Variants in INSC observed in about 807,000 individuals in gnomAD.
The protein encoded by INSC is INSC spindle orientation adaptor protein, also known as protein inscuteable homolog.
In INSC, 67 loss-of-function variants were observed where a neutral mutation model predicts 58.6. The observed-to-expected ratio is 1.14, with a 90% CI of 0.94 to 1.40. INSC has a LOEUF of 1.40. Among genes scored for constraint, INSC ranks in the 40% most tolerant of loss-of-function variants. The pLI, the probability that INSC is intolerant of heterozygous loss-of-function variation, is 0.00. For missense variants in INSC, 714 were observed against 692.0 expected, an observed-to-expected ratio of 1.03 and a Z score of -0.36; for synonymous variants, 262 against 276.1, an observed-to-expected ratio of 0.95 and a Z score of 0.51.
At chr11:15,236,808 C>T (rs1424157041) in intron 10 of INSC, among the ~76,000 whole-genome samples, 1 of 152,218 alleles carries the variant, frequency 6.6e-6, no homozygotes, top group Non-Finnish European at 1.5e-5. Context: ...CCAGGCTTCC[C>T]TGCTGTCTTA....
intron 5 of INSC, among the ~76,000 whole-genome samples, chr11:15,186,851 C>T (rs146840556): frequency 0.016 from 2,451 of 151,938 alleles, 30 homozygotes; most frequent in Non-Finnish European, 0.025. Flanking sequence ...TCCTGTGTTC[C>T]GAACTCTACT....
Position 15,240,279 on chromosome 11 carries a change from C to T in INSC, c.1394-168C>T, listed in dbSNP as rs77845433. Among the ~76,000 whole-genome samples the T allele has an allele frequency of 8.6e-3, 1,314 of 152,304 alleles. 17 individuals are homozygous for T. The highest frequency in any genetic ancestry group is 0.031 in the African/African-American group (1,269 of 41,564). On this transcript the variant is annotated intron_variant, in intron 11 of 12. Coordinates refer to ENST00000379556, the MANE Select transcript of INSC (RefSeq NM_001042536.3). ...TCTTCAGCTTGGCCTGACCCTGACC[C>T]GGGTCTGTTCACCACTGAGGGAGTA...
chr11:15,250,318 C>A (rs980100878), downstream of INSC, among the ~76,000 whole-genome samples: 16 of 152,184 alleles, frequency 1.1e-4, no homozygotes, highest in African/African-American at 3.6e-4. Flanking sequence ...GATAATACTC[C>A]TGCCTGATCT....
At chr11:15,180,218 A>C (rs1389101298) in intron 5 of INSC, among the ~76,000 whole-genome samples, 4 of 152,154 alleles carry the variant, frequency 2.6e-5, no homozygotes, top group Admixed American at 6.5e-5. Context: ...AGATCGCGCC[A>C]CTGCACTCCA....
chr11:15,244,831 T>C (rs1257158936), intron 12 of INSC, among the ~76,000 whole-genome samples: 1 of 152,138 alleles, frequency 6.6e-6, no homozygotes, highest in Non-Finnish European at 1.5e-5. Context: ...GGCACCTTGT[T>C]CCCTGCTGTG....
Position 15,175,951 on chromosome 11 carries a change from C to G in INSC, c.267C>G (p.Arg89=), listed in dbSNP as rs1178027188. 1 of 1,614,052 alleles carries G rather than the reference C, an allele frequency of 6.2e-7. No individual in the cohort carries two copies. The change falls in exon 3 of 13, where the codon CGC becomes CGG. Residue 89 remains arginine, a synonymous_variant. Coordinates refer to ENST00000379556, the MANE Select transcript of INSC (RefSeq NM_001042536.3). ...KRGWVISTEL[R]RIGQKLAQDR... ...GTTGGGTCATTAGCACAGAGCTGCG[C>G]AGGATCGGGCAGAAGCTGGCCCAGG...
At chr11:15,210,403 C>T (rs1375294996) in intron 7 of INSC, among the ~76,000 whole-genome samples, 1 of 151,950 alleles carries the variant, frequency 6.6e-6, no homozygotes, top group Non-Finnish European at 1.5e-5. Context: ...CATGCCTGTT[C>T]TGTGGGTTTG....
At chr11:15,180,687 G>GT (rs1365705766) in intron 5 of INSC, among the ~76,000 whole-genome samples, 1 of 97,362 alleles carries the variant, frequency 1.0e-5, no homozygotes, top group Non-Finnish European at 2.1e-5. Flanking sequence ...AGGAGTGAGG[G>GT]GGGGGGCGGG....
intron 5 of INSC, chr11:15,188,089 A>T: frequency 1.4e-6 from 1 of 708,392 alleles, no homozygotes; most frequent in South Asian, 6.4e-5. Context: ...CCCCTGTCCC[A>T]CAGTCATGCT....
downstream of INSC, among the ~76,000 whole-genome samples, chr11:15,248,605 C>T (rs192245175): frequency 3.4e-4 from 52 of 152,258 alleles, no homozygotes; most frequent in African/African-American, 1.0e-3. Context: ...AAGACTAAAT[C>T]GCAGCCTTTT....
chr11:15,231,126 CTT>C (rs111302690), intron 9 of INSC, among the ~76,000 whole-genome samples: 20 of 152,344 alleles, frequency 1.3e-4, no homozygotes, highest in African/African-American at 4.6e-4. Context: ...CCTGGGCTCT[CTT>C]GCCTCTCTGG....
At chr11:15,114,836 C>T, upstream of INSC, 1 of 694,506 alleles carries the variant, frequency 1.4e-6, no homozygotes, top group Non-Finnish European at 1.8e-6. Context: ...GCTGCGACCG[C>T]CTCGGAGAGG....
chr11:15,162,370 G>T (rs1849048952), intron 2 of INSC, among the ~76,000 whole-genome samples: 1 of 152,134 alleles, frequency 6.6e-6, no homozygotes, highest in Admixed American at 6.5e-5. Flanking sequence ...GCCTGCAATG[G>T]TCAGTACCCA....
At chr11:15,135,620 C>T (rs978578547) in intron 1 of INSC, among the ~76,000 whole-genome samples, 5 of 152,174 alleles carry the variant, frequency 3.3e-5, no homozygotes, top group Admixed American at 2.0e-4. Flanking sequence ...CTTTGAATGT[C>T]CCATACTACT....
At chr11:15,119,946 GCAATAT>G (rs1488349509) in intron 1 of INSC, among the ~76,000 whole-genome samples, 1 of 152,208 alleles carries the variant, frequency 6.6e-6, no homozygotes, top group East Asian at 1.9e-4. Flanking sequence ...ACCATAAAAT[GCAATAT>G]CCTTCTTTCT....
At position 15,240,489 on chromosome 11, in the gene INSC, G is replaced by C; in HGVS notation, c.1436G>C (p.Arg479Thr). The C allele has an allele frequency of 6.2e-7, 1 of 1,613,962 alleles. No individual in the cohort carries two copies. Among genetic ancestry groups the C allele is most frequent in the Non-Finnish European group, 8.5e-7 (1 of 1,179,970 alleles). Residue 479 changes from arginine (R) to threonine (T), a missense_variant, in exon 12 of 13, where the codon AGG (arginine) becomes ACG (threonine). By Grantham distance (71) the Arg-to-Thr change is moderately conservative. Coordinates refer to ENST00000379556, the MANE Select transcript of INSC (RefSeq NM_001042536.3). ...LIELCRSPSE[R>T]NSSDAVLVAC... The stretch of plus-strand genomic sequence containing the variant: ...GAGCTCTGCAGATCCCCATCAGAGA[G>C]GAACAGCAGTGACGCCGTGCTTGTG...
chr11:15,112,450 C>A, upstream of INSC: 1 of 1,585,372 alleles, frequency 6.3e-7, no homozygotes, highest in East Asian at 2.2e-5. Flanking sequence ...CTTGGAGTCG[C>A]TGCAGCCAAG....
At chr11:15,202,284 T>C (rs79861026) in intron 7 of INSC, among the ~76,000 whole-genome samples, 2,375 of 152,216 alleles carry the variant, frequency 0.016, 49 homozygotes, top group East Asian at 0.064. Flanking sequence ...GTGCTACTCA[T>C]TAGGTAGCGA....
intron 2 of INSC, among the ~76,000 whole-genome samples, chr11:15,156,847 G>A (rs1564874219): frequency 6.6e-6 from 1 of 152,130 alleles, no homozygotes; most frequent in Non-Finnish European, 1.5e-5. Context: ...AAATATAGTA[G>A]GAAGAACACT....
Sources: gnomAD v4.1 joint callset for allele counts (sites outside exome capture counted in the v4.1 genomes callset) on GRCh38, gnomAD v4.1.1 for gene constraint, MANE v1.5 for transcripts, NCBI Gene and HGNC (gene_info 2026-07-23, HGNC 2026-07-21) for gene names.